Variants in RBM44 observed in about 807,000 individuals in gnomAD.
RBM44 encodes the protein RNA-binding protein 44.
In RBM44, 66 loss-of-function variants were observed where a neutral mutation model predicts 105.1. That is an observed-to-expected ratio of 0.63 (90% CI 0.52 to 0.77). The LOEUF (loss-of-function observed/expected upper bound fraction) is 0.77. Among genes scored for constraint, RBM44 ranks in the 30% least tolerant of loss-of-function variants. The probability of loss-of-function intolerance (pLI) is 0.00; values close to 1 mark genes in which losing one functional copy is unlikely to be tolerated. For synonymous variants in RBM44, 365 were observed against 417.6 expected (o/e 0.87, Z 1.54); for missense variants, 1,122 against 1,207.8 (o/e 0.93, Z 1.05).
chr2:237,821,038 T>G, intron 5 of RBM44, 33 bp from the exon 6 acceptor site: 1 of 1,509,690 alleles, frequency 6.6e-7, no homozygotes, highest in South Asian at 1.2e-5. Flanking sequence ...TAGGCCTAAA[T>G]AATTTAGTTT....
At position 237,809,589 on chromosome 2, in the gene RBM44, A is replaced by G. The variant is rs73086759; in HGVS notation, c.-18-4003A>G. Among the ~76,000 whole-genome samples the G allele has an allele frequency of 1.6e-3, 247 of 152,056 alleles. 1 individual carries two copies. The highest frequency in any genetic ancestry group is 5.6e-3 in the African/African-American group (232 of 41,454). ...CTCTTTATCTCTTCAACCTTTTTCA[A>G]CTTTGGAATGCCTCAGTGCCTAATT... On this transcript the variant is annotated intron_variant, in intron 1 of 15. Coordinates refer to ENST00000316997, the MANE Select transcript of RBM44 (RefSeq NM_001080504.3).
rs926436025 is a variant in RBM44 at position 237,821,211 on chromosome 2, T to G, written c.2054T>G (p.Leu685Arg). The change falls in exon 6 of 16, where the codon CTA (leucine) becomes CGA (arginine). Residue 685 changes from leucine to arginine, a missense_variant. Coordinates refer to ENST00000316997, the MANE Select transcript of RBM44 (RefSeq NM_001080504.3). ...IPLEELPPLS[L>R]ESKLLSTFST... is the part of the protein sequence containing the mutation. ...CTGGAAGAGCTGCCCCCACTGTCAC[T>G]AGAATCAAAATTATTATCTACCTTC... 2.1e-5 allele frequency: 33 copies of G among 1,608,674 alleles called. No homozygotes were observed. Among genetic ancestry groups the G allele is most frequent in the Non-Finnish European group, 2.6e-5 (31 of 1,177,528 alleles).
Position 237,821,329 on chromosome 2 carries a change from CT to C in RBM44, c.2098-13del. 6.4e-7 allele frequency: 1 copy of C among 1,551,222 alleles called. No individual in the cohort carries two copies. On this transcript the variant is annotated splice_polypyrimidine_tract_variant and intron_variant, in intron 6 of 15. Transcript: ENST00000316997. ...ACATTTTAAACAAAGATTTTTTTTC[CT>C]TTTCTCTCCTTCCAGCTAATGAAAA...
chr2:237,826,840 A>G (rs1262409425), intron 10 of RBM44, among the ~76,000 whole-genome samples: 1 of 152,150 alleles, frequency 6.6e-6, no homozygotes, highest in Non-Finnish European at 1.5e-5. Context: ...AGATGATTTA[A>G]AGTACACAGA....
At chr2:237,832,899 G>A (rs982147206) in intron 13 of RBM44, among the ~76,000 whole-genome samples, 1 of 152,154 alleles carries the variant, frequency 6.6e-6, no homozygotes, top group Admixed American at 6.5e-5. Context: ...AAATGGAGAT[G>A]AGAGCCATTA....
intron 1 of RBM44, among the ~76,000 whole-genome samples, chr2:237,809,526 C>A (rs2061635388): frequency 6.6e-6 from 1 of 152,088 alleles, no homozygotes; most frequent in South Asian, 2.1e-4. Context: ...TTTCTCCTAC[C>A]ACACATATTG....
chr2:237,818,082 C>G lies in RBM44; in HGVS notation c.1163C>G (p.Ser388Trp), dbSNP rs753985428. 6.2e-6 allele frequency: 10 copies of G among 1,612,282 alleles called. No homozygotes were observed. The highest frequency in any genetic ancestry group is 7.6e-6 in the Non-Finnish European group (9 of 1,179,296). The part of the protein sequence containing the change: ...QTSWTSVFDD[S>W]IISACGYYES... ...TCCTGGACCTCTGTTTTTGATGATT[C>G]GATAATTTCTGCCTGTGGATATTAT... is the stretch of plus-strand genomic sequence containing the variant. The change falls in exon 3 of 16, where the codon TCG (serine) becomes TGG (tryptophan). Residue 388 changes from serine (S) to tryptophan (W), a missense_variant. Ser to Trp is a radical substitution (Grantham distance 177). Around this residue, in one of 3 missense-constraint regions of RBM44, gnomAD observed 918 missense variants for 955.3 expected, o/e 0.96. Transcript: ENST00000316997. The surrounding 1 kb of genome is among the most constrained non-coding windows in gnomAD (Gnocchi z 4.6).
At chr2:237,831,243 TGGGGG>T (rs61344701) in intron 13 of RBM44, among the ~76,000 whole-genome samples, 2 of 107,636 alleles carry the variant, frequency 1.9e-5, no homozygotes, top group African/African-American at 6.6e-5. Flanking sequence ...TCCTTTTTTT[TGGGGG>T]GGGGGGGGTT....
At chr2:237,809,396 C>A (rs1285191003) in intron 1 of RBM44, among the ~76,000 whole-genome samples, 1 of 151,956 alleles carries the variant, frequency 6.6e-6, no homozygotes, top group Non-Finnish European at 1.5e-5. Context: ...TTCTTTGTTT[C>A]CCTTTACAGC....
chr2:237,803,795 G>A lies in RBM44; in HGVS notation c.-19+4934G>A, dbSNP rs532915338. ...TCTCACTTTTATTGTGGTGTGAGGT[G>A]TGGGTCCAGGCAATTTTTCCCTCTA... On this transcript the variant is annotated intron_variant, in intron 1 of 15. Transcript: ENST00000316997. The surrounding 1 kb of genome is among the most constrained non-coding windows in gnomAD (Gnocchi z 4.2). Among the ~76,000 whole-genome samples the A allele has an allele frequency of 6.6e-6, 1 of 151,914 alleles. No homozygotes were observed. The highest frequency in any genetic ancestry group is 1.5e-5 in the Non-Finnish European group (1 of 68,020).
intron 9 of RBM44, 118 bp from the exon 10 acceptor site, chr2:237,824,173 A>G: frequency 1.2e-6 from 1 of 815,050 alleles, no homozygotes; most frequent in Non-Finnish European, 1.8e-6. Context: ...TTCTCTTTAG[A>G]TTTATACATA....
Position 237,817,082 on chromosome 2 carries a change from A to G in RBM44, c.163A>G (p.Asn55Asp), listed in dbSNP as rs2150976767. Residue 55 changes from asparagine (N) to aspartate (D), a missense_variant, in exon 3 of 16, where the codon AAT (asparagine) becomes GAT (aspartate). Asn to Asp is a conservative substitution (Grantham distance 23). Transcript: ENST00000316997. The part of the protein sequence containing the change: ...VKLTFPDDDW[N>D]SSTLEQRANN... ...ATTGACTTTTCCTGATGATGACTGG[A>G]ATTCTTCGACACTAGAGCAAAGAGC... 1 of 1,605,482 alleles carries G rather than the reference A, an allele frequency of 6.2e-7. No individual in the cohort carries two copies. The highest frequency in any genetic ancestry group is 8.5e-7 in the Non-Finnish European group (1 of 1,176,626).
chr2:237,821,631 C>T (rs1414174812), intron 7 of RBM44, 112 bp from the exon 8 acceptor site: 1 of 786,582 alleles, frequency 1.3e-6, no homozygotes, highest in Non-Finnish European at 2.1e-6. Context: ...GTGTTAGGAA[C>T]ATTTCAAGTC....
rs1387133382 is a variant in RBM44, at chr2:237,817,623, A to C, written c.704A>C (p.Asn235Thr). The change falls in exon 3 of 16, where the codon AAT becomes ACT. Residue 235 changes from asparagine (N) to threonine (T), a missense_variant. Coordinates refer to ENST00000316997, the MANE Select transcript of RBM44 (RefSeq NM_001080504.3). ...EVKCASNVED[N>T]RVNSGSGSII... ...AAATGTGCTAGCAATGTAGAAGATA[A>C]TCGTGTTAACTCGGGAAGTGGTTCT... The C allele has an allele frequency of 6.2e-7, 1 of 1,613,006 alleles. No individual in the cohort carries two copies. The highest frequency in any genetic ancestry group is 1.7e-5 in the Admixed American group (1 of 59,828).
At chr2:237,816,167 TA>T (rs2061712478) in intron 2 of RBM44, among the ~76,000 whole-genome samples, 1 of 152,212 alleles carries the variant, frequency 6.6e-6, no homozygotes, top group South Asian at 2.1e-4. Context: ...AAACACTTTT[TA>T]AATACAAAGT....
At chr2:237,800,727 CTTT>C (rs200312897) in intron 1 of RBM44, among the ~76,000 whole-genome samples, 4 of 137,276 alleles carry the variant, frequency 2.9e-5, no homozygotes, top group Admixed American at 1.5e-4. Flanking sequence ...ACTCTCAATC[CTTT>C]TTTTTTTTTT....
chr2:237,830,441 AT>A (rs1051673167), intron 13 of RBM44, among the ~76,000 whole-genome samples: 5 of 151,570 alleles, frequency 3.3e-5, no homozygotes, highest in Admixed American at 6.6e-5. Flanking sequence ...CAGAACAGGG[AT>A]TTTTTTTAGT....
intron 15 of RBM44, among the ~76,000 whole-genome samples, chr2:237,839,827 C>CT (rs1285294524): frequency 6.6e-6 from 1 of 152,084 alleles, no homozygotes; most frequent in African/African-American, 2.4e-5. Flanking sequence ...TCAAAGGACA[C>CT]TATCAAAAGA....
chr2:237,808,851 G>T (rs1042971398), intron 1 of RBM44, among the ~76,000 whole-genome samples: 1 of 152,074 alleles, frequency 6.6e-6, no homozygotes, highest in South Asian at 2.1e-4. Flanking sequence ...ACTTTTTGAT[G>T]CAATCCCCTT....
Sources: allele counts gnomAD v4.1 joint callset (sites outside exome capture counted in the v4.1 genomes callset), GRCh38; gene constraint gnomAD v4.1.1; regional missense constraint gnomAD v4.1.1; non-coding constraint Gnocchi (gnomAD v3.1); transcripts MANE v1.5; gene names NCBI Gene and HGNC (gene_info 2026-07-23, HGNC 2026-07-21).